The following SRD5A1 variants were observed in gnomAD, a reference collection of about 807,000 sequenced individuals.
SRD5A1 encodes steroid 5 alpha-reductase 1.
In SRD5A1, 22 loss-of-function variants were observed where a neutral mutation model predicts 28.2. The ratio of observed to expected loss-of-function variants is 0.78; its 90% confidence interval spans 0.56 to 1.12. The LOEUF (loss-of-function observed/expected upper bound fraction) is 1.12. Among genes scored for constraint, SRD5A1 ranks in the 50% most tolerant of loss-of-function variants. The pLI, the probability that SRD5A1 is intolerant of heterozygous loss-of-function variation, is 0.00. For missense variants in SRD5A1, 300 were observed against 346.7 expected (o/e 0.87, Z 1.07); for synonymous variants, 151 against 135.0 (o/e 1.12, Z -0.82).
chr5:6,666,399 C>T (rs1233492552), intron 4 of SRD5A1, among the ~76,000 whole-genome samples: 9 of 152,220 alleles, frequency 5.9e-5, no homozygotes, highest in Non-Finnish European at 1.3e-4. Flanking sequence ...TTGCCCGCCT[C>T]AGCCTCCCAA....
chr5:6,642,513 A>G (rs1264641565), intron 1 of SRD5A1, among the ~76,000 whole-genome samples: 1 of 152,162 alleles, frequency 6.6e-6, no homozygotes, highest in Non-Finnish European at 1.5e-5. Flanking sequence ...TCCACTGCAA[A>G]CTCATGTGAG....
intron 2 of SRD5A1, among the ~76,000 whole-genome samples, chr5:6,654,746 T>C (rs1474708505): frequency 6.6e-6 from 1 of 152,238 alleles, no homozygotes; most frequent in East Asian, 1.9e-4. Flanking sequence ...TTTTAAGATC[T>C]TATAAATGGA....
intron 1 of SRD5A1, among the ~76,000 whole-genome samples, chr5:6,648,950 C>T (rs916024421): frequency 7.2e-5 from 11 of 151,844 alleles, no homozygotes; most frequent in African/African-American, 2.2e-4. Context: ...TATTTTTTTT[C>T]GGTTTGTTAG....
rs2086585272 is a variant in SRD5A1, at chr5:6,671,768, T to C, written c.*3500T>C. 1 of 152,126 alleles carries C rather than the reference T, an allele frequency of 6.6e-6. No individual in the cohort carries two copies. Among genetic ancestry groups the C allele is most frequent in the South Asian group, 2.1e-4 (1 of 4,824 alleles). The allele number at this position is 152,126 out of a possible 1,614,324, so 9.4% of individuals were successfully genotyped here. A position where few individuals can be genotyped will look rare whatever the true frequency, so the allele number is the denominator to read the frequency against. ...GATGGGTGCACCAGGATCTCACAAA[T>C]CACCACTAAAGAATTTACTCATGTA... On this transcript the variant is annotated 3_prime_UTR_variant, in exon 5 of 5. Transcript: ENST00000274192.
At chr5:6,643,813 G>A (rs1218580980) in intron 1 of SRD5A1, among the ~76,000 whole-genome samples, 3 of 152,182 alleles carry the variant, frequency 2.0e-5, no homozygotes, top group Non-Finnish European at 4.4e-5. Context: ...ATTTTCCTTT[G>A]TTTTGTGAAG....
rs373972741 is a variant in SRD5A1 at position 6,672,073 on chromosome 5, C to T, written c.*3805C>T. The stretch of plus-strand genomic sequence containing the variant: ...GGACTATGCTGAACAATCCACTGAC[C>T]ACTGCAGGCTCCCATTTATGATCTT... On this transcript the variant is annotated 3_prime_UTR_variant, in exon 5 of 5. Coordinates refer to ENST00000274192, the MANE Select transcript of SRD5A1 (RefSeq NM_001047.4). The T allele has an allele frequency of 9.2e-4, 140 of 152,338 alleles. No individual in the cohort carries two copies. The highest frequency in any genetic ancestry group is 3.2e-3 in the African/African-American group (133 of 41,542). 9.4% of individuals were successfully genotyped at this position (152,338 alleles called of 1,614,324 possible). A position where few individuals can be genotyped will look rare whatever the true frequency, so the allele number is the denominator to read the frequency against.
intron 1 of SRD5A1, among the ~76,000 whole-genome samples, chr5:6,635,508 C>A (rs1366295258): frequency 6.6e-6 from 1 of 152,146 alleles, no homozygotes; most frequent in East Asian, 1.9e-4. Context: ...ACTAAGCTGC[C>A]CCGCAGCAAG....
At chr5:6,657,675 A>G (rs961148549) in intron 3 of SRD5A1, among the ~76,000 whole-genome samples, 1 of 152,172 alleles carries the variant, frequency 6.6e-6, no homozygotes, top group Non-Finnish European at 1.5e-5. Flanking sequence ...GAGAAACACC[A>G]CTTCCAAAAG....
At chr5:6,656,968 T>C (rs1490354961) in intron 3 of SRD5A1, among the ~76,000 whole-genome samples, 1 of 152,178 alleles carries the variant, frequency 6.6e-6, no homozygotes, top group Admixed American at 6.5e-5. Flanking sequence ...AAGTGAGTAC[T>C]TGAAATGCTT....
At position 6,673,791 on chromosome 5, in the gene SRD5A1, AG is replaced by A. The variant is rs1422481457; in HGVS notation, c.*5524del. 6.6e-6 allele frequency: 1 copy of A among 152,216 alleles called. No individual in the cohort carries two copies. The highest frequency in any genetic ancestry group is 1.5e-5 in the Non-Finnish European group (1 of 68,046). 9.4% of individuals were successfully genotyped at this position (152,216 alleles called of 1,614,324 possible). A position where few individuals can be genotyped will look rare whatever the true frequency, so the allele number is the denominator to read the frequency against. ...AGTGTCAGAGATTTTTTTTTAACAA[AG>A]AGCTATCAAGCCATGAAAAGATAAG... On this transcript the variant is annotated 3_prime_UTR_variant, in exon 5 of 5. Coordinates refer to ENST00000274192, the MANE Select transcript of SRD5A1 (RefSeq NM_001047.4).
intron 4 of SRD5A1, among the ~76,000 whole-genome samples, chr5:6,663,602 G>A (rs954428471): frequency 7.2e-5 from 11 of 152,228 alleles, no homozygotes; most frequent in Non-Finnish European, 1.5e-4. Context: ...GCTCATGCCT[G>A]TAATCCCAGC....
intron 1 of SRD5A1, among the ~76,000 whole-genome samples, chr5:6,648,624 GTTC>G (rs769084660): frequency 3.9e-5 from 6 of 152,172 alleles, no homozygotes; most frequent in Non-Finnish European, 5.9e-5. Flanking sequence ...GTCTTCACCT[GTTC>G]TTCTCTAAGC....
chr5:6,665,998 A>G (rs1193391936), intron 4 of SRD5A1, among the ~76,000 whole-genome samples: 4 of 152,192 alleles, frequency 2.6e-5, no homozygotes, highest in Non-Finnish European at 5.9e-5. Flanking sequence ...AGTTTTGCAG[A>G]AGTATGTTCA....
chr5:6,667,158 G>A (rs936009335), intron 4 of SRD5A1, among the ~76,000 whole-genome samples: 18 of 152,192 alleles, frequency 1.2e-4, no homozygotes, highest in South Asian at 2.1e-4. Flanking sequence ...TGTGTGTTGG[G>A]CACTCGTGGG....
rs1302760770 is a variant in SRD5A1 at position 6,667,089 on chromosome 5, C to T, written c.714-1113C>T. On this transcript the variant is annotated intron_variant, in intron 4 of 4. Coordinates refer to ENST00000274192, the MANE Select transcript of SRD5A1 (RefSeq NM_001047.4). Reference sequence around the variant, plus strand: ...GTGAACACCTTCAGCCTCTAACCAGCGAACATGTTTGCAATGCACTTTCGC... The same window carrying T: ...GTGAACACCTTCAGCCTCTAACCAGTGAACATGTTTGCAATGCACTTTCGC... 5.3e-5 allele frequency among the ~76,000 whole-genome samples: 8 copies of T among 152,322 alleles called. 1 individual carries two copies. In the South Asian group the frequency reaches 8.3e-4, roughly 16 times the overall value.
intron 1 of SRD5A1, among the ~76,000 whole-genome samples, chr5:6,639,200 T>C (rs1170682871): frequency 6.6e-6 from 1 of 152,212 alleles, no homozygotes; most frequent in East Asian, 1.9e-4. Context: ...TAAACAGGCA[T>C]AGAACTTGCT....
chr5:6,668,179 CT>C, intron 4 of SRD5A1, 22 bp from the exon 5 acceptor site: 1 of 1,467,446 alleles, frequency 6.8e-7, no homozygotes, highest in Non-Finnish European at 9.3e-7. Context: ...GAATTATTTC[CT>C]TTTTTAATTT....
intron 1 of SRD5A1, among the ~76,000 whole-genome samples, chr5:6,644,141 A>C (rs1452703906): frequency 1.3e-5 from 2 of 152,202 alleles, no homozygotes; most frequent in Non-Finnish European, 2.9e-5. Flanking sequence ...CATTGTTTAA[A>C]TGGGTGACAT....
intron 1 of SRD5A1, among the ~76,000 whole-genome samples, chr5:6,648,566 T>G (rs573170758): frequency 6.6e-5 from 10 of 152,384 alleles, no homozygotes; most frequent in African/African-American, 2.2e-4. Flanking sequence ...TATTGATACT[T>G]GTGTATGCTT....
Sources: allele counts gnomAD v4.1 joint callset (sites outside exome capture counted in the v4.1 genomes callset), GRCh38; gene constraint gnomAD v4.1.1; transcripts MANE v1.5; gene names NCBI Gene and HGNC (gene_info 2026-07-23, HGNC 2026-07-21).